Variants in NCAPG2 observed in about 807,000 individuals in gnomAD.
NCAPG2 encodes the protein condensin-2 complex subunit G2.
A neutral mutation model predicts 141.1 loss-of-function variants in NCAPG2; 53 were observed. That is an observed-to-expected ratio of 0.38 (90% CI 0.30 to 0.47). The LOEUF (loss-of-function observed/expected upper bound fraction) is 0.47. Among genes scored for constraint, NCAPG2 ranks in the 20% least tolerant of loss-of-function variants. The pLI is 0.99. For synonymous variants in NCAPG2, 499 were observed against 490.7 expected (o/e 1.02, Z -0.22); for missense variants, 1,087 against 1,389.0 (o/e 0.78, Z 3.46).
chr7:158,698,476 C>T (rs1835590389), intron 2 of NCAPG2, among the ~76,000 whole-genome samples: 1 of 152,174 alleles, frequency 6.6e-6, no homozygotes, highest in Non-Finnish European at 1.5e-5. Flanking sequence ...TTTAGACACA[C>T]ACCATTGTGT....
At chr7:158,652,102 A>G (rs1189000977) in intron 23 of NCAPG2, among the ~76,000 whole-genome samples, 191 bp downstream of exon 23, 5 of 152,024 alleles carry the variant, frequency 3.3e-5, no homozygotes, top group Admixed American at 2.0e-4. Context: ...TCTCCCTCTC[A>G]GTGTATCCAC....
chr7:158,697,015 G>T (rs1240663878), intron 2 of NCAPG2, among the ~76,000 whole-genome samples: 1 of 152,200 alleles, frequency 6.6e-6, no homozygotes, highest in Non-Finnish European at 1.5e-5. Context: ...CACATTTGTG[G>T]TAATGTTGGT....
In NCAPG2 at chr7:158,637,981, T is replaced by C. The variant is rs144509460; in HGVS notation, c.3381-6264A>G. On this transcript the variant is annotated intron_variant, in intron 27 of 27. Transcript: ENST00000356309. Reference sequence around the variant, plus strand: ...CAACATGGTGAAACTCCGTCTCTACTAAAAATACAAAAATTAGCCGGGCAT... The same window carrying C: ...CAACATGGTGAAACTCCGTCTCTACCAAAAATACAAAAATTAGCCGGGCAT... Among the ~76,000 whole-genome samples the C allele has an allele frequency of 4.8e-3, 735 of 152,168 alleles. 8 individuals are homozygous for C. Among genetic ancestry groups the C allele is most frequent in the African/African-American group, 0.012 (494 of 41,530 alleles).
chr7:158,668,236 T>TCCGCCTTCCTTACCGACC (rs1391643269), intron 13 of NCAPG2: 1 of 99,100 alleles, frequency 1.0e-5, no homozygotes, highest in African/African-American at 3.5e-4. Context: ...ACTGGGTCCC[T>TCCGCCTTCCTTACCGACC]CTGCCCTCCT....
intron 13 of NCAPG2, among the ~76,000 whole-genome samples, chr7:158,667,419 CTGGGT>C (rs1833128292): frequency 1.7e-5 from 2 of 118,224 alleles, no homozygotes; most frequent in African/African-American, 3.2e-5. Flanking sequence ...TTACCCACTA[CTGGGT>C]CCCTCCGCCC....
intron 7 of NCAPG2, 72 bp downstream of exon 7, chr7:158,687,276 A>G: frequency 9.9e-7 from 1 of 1,012,464 alleles, no homozygotes; most frequent in Non-Finnish European, 1.5e-6. Context: ...ATAACTTAAG[A>G]AGTCAGACCA....
At chr7:158,675,717 G>A in intron 11 of NCAPG2, 61 bp from the exon 12 acceptor site, 2 of 1,530,778 alleles carry the variant, frequency 1.3e-6, no homozygotes, top group Non-Finnish European at 1.8e-6. Flanking sequence ...ATCCACATCT[G>A]CTTCACACGT....
At chr7:158,671,391 A>C (rs1381889256) in intron 13 of NCAPG2, 123 bp downstream of exon 13, 5 of 1,173,616 alleles carry the variant, frequency 4.3e-6, no homozygotes, top group African/African-American at 1.6e-5. Context: ...TTTTTGACAG[A>C]GATAACTGGT....
intron 6 of NCAPG2, among the ~76,000 whole-genome samples, chr7:158,689,037 T>C (rs1263417677): frequency 6.6e-6 from 1 of 152,192 alleles, no homozygotes; most frequent in Non-Finnish European, 1.5e-5. Context: ...CCCCTGGCAC[T>C]GCCTGAGCAT....
intron 8 of NCAPG2, among the ~76,000 whole-genome samples, chr7:158,685,087 T>C (rs181803832): frequency 1.3e-5 from 2 of 152,212 alleles, no homozygotes; most frequent in African/African-American, 4.8e-5. Context: ...AAAAATTTTA[T>C]TCTCAGAGAA....
chr7:158,671,560 G>A lies in NCAPG2; in HGVS notation c.1433C>T (p.Ala478Val), dbSNP rs1347264246. 2 of 1,614,036 alleles carry A rather than the reference G, an allele frequency of 1.2e-6. No individual in the cohort carries two copies. The highest frequency in any genetic ancestry group is 1.7e-6 in the Non-Finnish European group (2 of 1,180,034). Residue 478 changes from alanine to valine, a missense_variant, in exon 13 of 28, where the codon GCT (alanine) becomes GTT (valine). Transcript: ENST00000356309. ...LHDNSEKVRV[A>V]FVDMLLKIKA... ...GATCTTCAACAGCATGTCCACAAAA[G>A]CTACCCTCACTTTCTCCGAATTGTC... is the stretch of plus-strand genomic sequence containing the variant.
intron 27 of NCAPG2, chr7:158,641,394 C>T (rs571238255): frequency 2.9e-4 from 136 of 470,878 alleles, no homozygotes; most frequent in African/African-American, 1.8e-3. Flanking sequence ...ATAAAAAAAC[C>T]ACTTTAAATA....
chr7:158,644,464 G>A, intron 26 of NCAPG2, 76 bp from the exon 27 acceptor site: 2 of 1,289,158 alleles, frequency 1.6e-6, no homozygotes, highest in Non-Finnish European at 2.2e-6. Flanking sequence ...TACACATGTG[G>A]TACAACTTCC....
intron 13 of NCAPG2, among the ~76,000 whole-genome samples, chr7:158,669,031 C>A (rs1833496254): frequency 6.6e-6 from 1 of 152,208 alleles, no homozygotes; most frequent in Non-Finnish European, 1.5e-5. Context: ...ATTTTGTTTT[C>A]TGTTCCTGCG....
At chr7:158,649,653 T>G (rs530848341) in intron 24 of NCAPG2, among the ~76,000 whole-genome samples, 1 of 152,364 alleles carries the variant, frequency 6.6e-6, no homozygotes, top group South Asian at 2.1e-4. Flanking sequence ...AGGCCTTAAA[T>G]TCTATTTGAT....
rs766173486 is a variant in NCAPG2, at chr7:158,656,606, C to T, written c.2160G>A (p.Gly720=). The change falls in exon 18 of 28, where the codon GGG becomes GGA. Residue 720 remains glycine, a synonymous_variant. Coordinates refer to ENST00000356309, the MANE Select transcript of NCAPG2 (RefSeq NM_017760.7). ...AGTTGTCAACAAGCTCCAGAATGTG[C>T]CCCACCTGCCCCCAGGAGCAGAGGC... is the stretch of plus-strand genomic sequence containing the variant. ...LDCLCSWGQV[G]HILELVDNWL... is the part of the protein sequence containing the mutation. 2 of 1,614,104 alleles carry T rather than the reference C, an allele frequency of 1.2e-6. No individual in the cohort carries two copies. Among genetic ancestry groups the T allele is most frequent in the South Asian group, 1.1e-5 (1 of 91,086 alleles).
At position 158,631,448 on chromosome 7, in the gene NCAPG2, C is replaced by T; in HGVS notation, c.*218G>A. The T allele has an allele frequency of 1.8e-6, 1 of 552,304 alleles. No individual in the cohort carries two copies. The highest frequency in any genetic ancestry group is 2.5e-5 in the South Asian group (1 of 40,452). The allele number at this position is 552,304 out of a possible 1,614,324, so 34.2% of individuals were successfully genotyped here. ...TTCTACACCATTCATACCTGGAGTCCTTTATATTAAATATATTATTTACGC... is the reference window on the plus strand; with the variant it reads ...TTCTACACCATTCATACCTGGAGTCTTTTATATTAAATATATTATTTACGC... On this transcript the variant is annotated 3_prime_UTR_variant, in exon 28 of 28. Coordinates refer to ENST00000356309, the MANE Select transcript of NCAPG2 (RefSeq NM_017760.7).
At chr7:158,674,443 T>G (rs1036095213) in intron 12 of NCAPG2, among the ~76,000 whole-genome samples, 2 of 152,078 alleles carry the variant, frequency 1.3e-5, no homozygotes, top group Non-Finnish European at 2.9e-5. Context: ...CACACCACCA[T>G]GCCCAGCTAC....
At chr7:158,696,980 AAAC>A (rs1488212354) in intron 2 of NCAPG2, among the ~76,000 whole-genome samples, 1 of 152,270 alleles carries the variant, frequency 6.6e-6, no homozygotes, top group Non-Finnish European at 1.5e-5. Context: ...ATGGCTGTCA[AAAC>A]ATCATAGTGT....
Sources: allele counts gnomAD v4.1 joint callset (sites outside exome capture counted in the v4.1 genomes callset), GRCh38; gene constraint gnomAD v4.1.1; transcripts MANE v1.5; gene names NCBI Gene and HGNC (gene_info 2026-07-23, HGNC 2026-07-21).